SPATA17: variants seen among roughly 807,000 people sequenced by gnomAD.
SPATA17 encodes spermatogenesis associated 17, also known as spermatogenesis-associated protein 17.
SPATA17 carries 53 observed loss-of-function variants against 62.2 expected under a neutral mutation model. The ratio of observed to expected loss-of-function variants is 0.85; its 90% CI spans 0.68 to 1.07. The LOEUF is 1.07. Ranked by LOEUF, SPATA17 falls within the 50% of genes least tolerant of loss-of-function variation. The pLI, the probability that SPATA17 is intolerant of heterozygous loss-of-function variation, is 0.00. For missense variants in SPATA17, 466 were observed against 425.5 expected, an observed-to-expected ratio of 1.10 and a Z score of -0.84; for synonymous variants, 146 against 146.8, an observed-to-expected ratio of 0.99 and a Z score of 0.04.
intron 1 of SPATA17, among the ~76,000 whole-genome samples, chr1:217,637,074 C>T (rs1669959311): frequency 6.6e-6 from 1 of 152,100 alleles, no homozygotes; most frequent in African/African-American, 2.4e-5. Flanking sequence ...CAAATGTCCA[C>T]ATCTCTTACT....
intron 9 of SPATA17, among the ~76,000 whole-genome samples, chr1:217,819,552 C>T (rs1269010350): frequency 6.6e-6 from 1 of 151,920 alleles, no homozygotes; most frequent in South Asian, 2.1e-4. Context: ...AATTTATCTT[C>T]CTGGAGGTTA....
Position 217,699,840 on chromosome 1 carries a change from C to G in SPATA17, c.395+16479C>G, listed in dbSNP as rs576983871. Among the ~76,000 whole-genome samples the G allele has an allele frequency of 4.6e-5, 7 of 152,138 alleles. No individual in the cohort carries two copies. In the South Asian group the frequency reaches 1.5e-3, roughly 32 times the overall value. ...TCTAAAAGTTTTATTGTCGTCCATT[C>G]TACATTTGTTTGTGATTCATTTTTA... On this transcript the variant is annotated intron_variant, in intron 5 of 10. Transcript: ENST00000366933.
intron 9 of SPATA17, among the ~76,000 whole-genome samples, chr1:217,806,565 C>T (rs1441277625): frequency 6.6e-6 from 1 of 152,168 alleles, no homozygotes; most frequent in Non-Finnish European, 1.5e-5. Context: ...GCACTATTTA[C>T]TTCAAACTCT....
chr1:217,782,895 C>T (rs974243229), intron 8 of SPATA17, among the ~76,000 whole-genome samples: 1 of 151,870 alleles, frequency 6.6e-6, no homozygotes, highest in African/African-American at 2.4e-5. Flanking sequence ...TCTCTTAAGA[C>T]ACTTTGTCAT....
intron 5 of SPATA17, among the ~76,000 whole-genome samples, chr1:217,686,902 A>G (rs985865045): frequency 6.6e-6 from 1 of 152,152 alleles, no homozygotes; most frequent in African/African-American, 2.4e-5. Context: ...TATTTTTAGT[A>G]GAGATGGGAT....
chr1:217,683,976 C>T (rs988971869), intron 5 of SPATA17, among the ~76,000 whole-genome samples: 2 of 151,972 alleles, frequency 1.3e-5, no homozygotes, highest in African/African-American at 4.8e-5. Context: ...ATCTGTAAAA[C>T]GATCTAGAGA....
Position 217,762,737 on chromosome 1 carries a change from C to T in SPATA17, c.520-11597C>T, listed in dbSNP as rs185522564. On this transcript the variant is annotated intron_variant, in intron 6 of 10. Transcript: ENST00000366933. The stretch of plus-strand genomic sequence containing the variant: ...CCGTAATCCCAACACTTTGGGACGC[C>T]GAGGCAGGCAGATCACCTGAGGTCA... 2.6e-5 allele frequency among the ~76,000 whole-genome samples: 4 copies of T among 152,256 alleles called. No homozygotes were observed. In the East Asian group the frequency reaches 5.8e-4, roughly 22 times the overall value.
chr1:217,712,721 T>C, intron 5 of SPATA17, among the ~76,000 whole-genome samples: 1 of 152,310 alleles, frequency 6.6e-6, no homozygotes, highest in African/African-American at 2.4e-5. Context: ...AATAAAAATC[T>C]CATATTTCTC....
chr1:217,702,541 G>A (rs183221143), intron 5 of SPATA17, among the ~76,000 whole-genome samples: 4 of 152,046 alleles, frequency 2.6e-5, no homozygotes, highest in Admixed American at 6.6e-5. Context: ...ATTTTTTAAT[G>A]GAAGAAAATT....
intron 9 of SPATA17, among the ~76,000 whole-genome samples, chr1:217,842,562 G>C (rs1013683376): frequency 6.6e-6 from 1 of 151,152 alleles, no homozygotes; most frequent in African/African-American, 2.4e-5. Context: ...AAATTTATTG[G>C]CAAAAAATTG....
intron 5 of SPATA17, among the ~76,000 whole-genome samples, chr1:217,711,259 C>T (rs1380268934): frequency 6.6e-6 from 1 of 152,062 alleles, no homozygotes; most frequent in African/African-American, 2.4e-5. Flanking sequence ...AACATAGTAC[C>T]TTAATAGGTA....
intron 9 of SPATA17, among the ~76,000 whole-genome samples, chr1:217,808,853 CAA>C (rs34369449): frequency 4.5e-4 from 45 of 100,248 alleles, no homozygotes; most frequent in South Asian, 2.7e-3. Context: ...GACTCTGTCT[CAA>C]AAAAAAAAAA....
chr1:217,774,614 T>A (rs1435969966), intron 7 of SPATA17, 77 bp downstream of exon 7: 1 of 1,185,398 alleles, frequency 8.4e-7, no homozygotes, highest in East Asian at 2.6e-5. Context: ...TAACACTATC[T>A]TAATTTAACC....
Position 217,651,966 on chromosome 1 carries a change from G to A in SPATA17, c.240+788G>A, listed in dbSNP as rs1670325638. 2.0e-5 allele frequency among the ~76,000 whole-genome samples: 3 copies of A among 152,282 alleles called. No individual in the cohort carries two copies. In the South Asian group the frequency reaches 6.2e-4, roughly 32 times the overall value. On this transcript the variant is annotated intron_variant, in intron 3 of 10. Transcript: ENST00000366933. ...CATAGTGGTACATTTAATATACAAA[G>A]CAACCTTACAGTTGTTATAGAAGTT...
intron 5 of SPATA17, among the ~76,000 whole-genome samples, chr1:217,693,568 T>G (rs1384729424): frequency 4.6e-5 from 6 of 129,758 alleles, no homozygotes; most frequent in African/African-American, 1.8e-4. Context: ...TTTCTAGTTC[T>G]TTTAATTGTG....
intron 9 of SPATA17, among the ~76,000 whole-genome samples, chr1:217,835,951 C>A (rs181299338): frequency 2.6e-5 from 4 of 152,042 alleles, no homozygotes; most frequent in African/African-American, 9.7e-5. Context: ...CCACCCAGAG[C>A]GATTCAGCTC....
At chr1:217,638,660 G>A (rs112086156) in intron 1 of SPATA17, among the ~76,000 whole-genome samples, 3,502 of 152,210 alleles carry the variant, frequency 0.023, 60 homozygotes, top group Non-Finnish European at 0.034. Context: ...TTAGTTTGGA[G>A]GAAGGAGATT....
chr1:217,774,615 T>C (rs1348537327), intron 7 of SPATA17, 78 bp downstream of exon 7: 4 of 1,167,488 alleles, frequency 3.4e-6, no homozygotes, highest in Non-Finnish European at 4.9e-6. Flanking sequence ...AACACTATCT[T>C]AATTTAACCA....
chr1:217,758,445 A>C (rs900569994), intron 6 of SPATA17, among the ~76,000 whole-genome samples: 1 of 152,162 alleles, frequency 6.6e-6, no homozygotes, highest in Non-Finnish European at 1.5e-5. Context: ...AATCTTTATC[A>C]ACCTTATAAG....
Sources: allele counts gnomAD v4.1 joint callset (sites outside exome capture counted in the v4.1 genomes callset), GRCh38; gene constraint gnomAD v4.1.1; transcripts MANE v1.5; gene names NCBI Gene and HGNC (gene_info 2026-07-23, HGNC 2026-07-21).